Variants in CCDC91 observed in about 807,000 individuals in gnomAD.
The protein encoded by CCDC91 is coiled-coil domain-containing protein 91.
CCDC91 carries 48 observed loss-of-function variants against 63.2 expected under a neutral mutation model. The observed-to-expected ratio is 0.76, with a 90% CI of 0.60 to 0.97. The LOEUF is 0.97. CCDC91 is among the 50% of genes least tolerant of loss of function. The pLI is 0.00. For missense variants in CCDC91, 500 were observed against 494.6 expected, an observed-to-expected ratio of 1.01 and a Z score of -0.10; for synonymous variants, 167 against 165.8, an observed-to-expected ratio of 1.01 and a Z score of -0.06.
At chr12:28,443,678 C>A (rs533838307) in intron 8 of CCDC91, among the ~76,000 whole-genome samples, 3 of 152,050 alleles carry the variant, frequency 2.0e-5, no homozygotes, top group Non-Finnish European at 4.4e-5. Flanking sequence ...AGCACTGAGA[C>A]TTAGACATGT....
At chr12:28,452,816 A>G (rs1949876040) in intron 11 of CCDC91, among the ~76,000 whole-genome samples, 162 bp downstream of exon 11, 1 of 151,742 alleles carries the variant, frequency 6.6e-6, no homozygotes, top group Admixed American at 6.6e-5. Context: ...TGAATTAATC[A>G]TTTTTAATAT....
intron 12 of CCDC91, among the ~76,000 whole-genome samples, chr12:28,500,130 AC>A (rs1952551895): frequency 6.6e-6 from 1 of 150,924 alleles, no homozygotes; most frequent in Non-Finnish European, 1.5e-5. Flanking sequence ...TTTGTTGACT[AC>A]ATAAATGTCT....
At chr12:28,273,868 G>A (rs1456418073) in intron 3 of CCDC91, among the ~76,000 whole-genome samples, 1 of 152,062 alleles carries the variant, frequency 6.6e-6, no homozygotes, top group African/African-American at 2.4e-5. Flanking sequence ...GTCAATTTTG[G>A]CTTTTGTTGC....
Position 28,305,685 on chromosome 12 carries a change from T to C in CCDC91, c.146T>C (p.Ile49Thr). 2 of 1,612,902 alleles carry C rather than the reference T, an allele frequency of 1.2e-6. No homozygotes were observed. The highest frequency in any genetic ancestry group is 1.1e-5 in the South Asian group (1 of 90,930). ...CATCTTTCACCATCTTCTCCTGAGATTGTACTGGACCGTGACCACTCTTCT... is the reference window on the plus strand; with the variant it reads ...CATCTTTCACCATCTTCTCCTGAGACTGTACTGGACCGTGACCACTCTTCT... ...GVHLSPSSPE[I>T]VLDRDHSSSI... Residue 49 changes from isoleucine (I) to threonine (T), a missense_variant, in exon 4 of 13, where the codon ATT becomes ACT. Coordinates refer to ENST00000536442, the MANE Select transcript of CCDC91 (RefSeq NM_018318.5).
At chr12:28,190,901 C>A (rs573779537) in intron 1 of CCDC91, among the ~76,000 whole-genome samples, 2 of 152,220 alleles carry the variant, frequency 1.3e-5, no homozygotes, top group East Asian at 3.9e-4. Context: ...TCTGCACGTC[C>A]CAGAATCGAG....
intron 1 of CCDC91, chr12:28,236,353 G>A (rs1944948493): frequency 6.6e-6 from 1 of 151,912 alleles, no homozygotes; most frequent in African/African-American, 2.4e-5. Context: ...TTGATAAATA[G>A]ATGTTTTGAA....
intron 6 of CCDC91, among the ~76,000 whole-genome samples, chr12:28,332,808 A>G (rs548540070): frequency 9.7e-4 from 147 of 151,936 alleles, no homozygotes; most frequent in Non-Finnish European, 1.6e-3. Flanking sequence ...CTCATGGCCA[A>G]CAGCGCTGTA....
intron 12 of CCDC91, among the ~76,000 whole-genome samples, chr12:28,486,931 TGTAATAA>T (rs1449768498): frequency 2.6e-5 from 4 of 152,012 alleles, no homozygotes; most frequent in African/African-American, 7.2e-5. Context: ...AATTAATACA[TGTAATAA>T]AATAGCAGCT....
intron 3 of CCDC91, among the ~76,000 whole-genome samples, chr12:28,277,938 A>C (rs918409111): frequency 6.6e-6 from 1 of 151,990 alleles, no homozygotes; most frequent in Non-Finnish European, 1.5e-5. Context: ...TGGCCCAGTG[A>C]AACTGAAAAT....
intron 8 of CCDC91, among the ~76,000 whole-genome samples, chr12:28,424,991 C>T (rs767228387): frequency 1.3e-5 from 2 of 152,030 alleles, no homozygotes; most frequent in African/African-American, 2.4e-5. Flanking sequence ...TAAAGTGAGC[C>T]GCTTTTTCTA....
chr12:28,413,768 A>G (rs987272266), intron 8 of CCDC91, among the ~76,000 whole-genome samples: 1 of 152,216 alleles, frequency 6.6e-6, no homozygotes, highest in Non-Finnish European at 1.5e-5. Flanking sequence ...CTCCCATGAA[A>G]TAATCTTTCA....
intron 12 of CCDC91, among the ~76,000 whole-genome samples, chr12:28,538,015 T>C (rs1942311624): frequency 6.6e-6 from 1 of 152,110 alleles, no homozygotes; most frequent in African/African-American, 2.4e-5. Flanking sequence ...AATCTCTAAT[T>C]TCTTATATAT....
At chr12:28,532,987 T>TA (rs1941865554) in intron 12 of CCDC91, among the ~76,000 whole-genome samples, 2 of 152,076 alleles carry the variant, frequency 1.3e-5, no homozygotes, top group Admixed American at 1.3e-4. Flanking sequence ...TCTCAAAACT[T>TA]ACGGGTTAGT....
chr12:28,313,734 T>G (rs1939561525), intron 6 of CCDC91, among the ~76,000 whole-genome samples: 1 of 152,038 alleles, frequency 6.6e-6, no homozygotes, highest in Non-Finnish European at 1.5e-5. Flanking sequence ...CTATGTCCCC[T>G]TTTCCTGTTC....
At chr12:28,456,115 A>G (rs189249936) in intron 11 of CCDC91, among the ~76,000 whole-genome samples, 1 of 152,268 alleles carries the variant, frequency 6.6e-6, no homozygotes, top group East Asian at 1.9e-4. Flanking sequence ...TAAGTTCTAT[A>G]GGCAAAACTT....
intron 3 of CCDC91, among the ~76,000 whole-genome samples, chr12:28,284,216 C>CT (rs1216891976): frequency 6.6e-6 from 1 of 151,854 alleles, no homozygotes; most frequent in Non-Finnish European, 1.5e-5. Context: ...TACTGATAAA[C>CT]TTTGTTTTCT....
chr12:28,429,756 G>C (rs1948527700), intron 8 of CCDC91, among the ~76,000 whole-genome samples: 1 of 152,052 alleles, frequency 6.6e-6, no homozygotes, highest in South Asian at 2.1e-4. Flanking sequence ...CTCATGTAAA[G>C]TAAGATGCAC....
At chr12:28,388,826 C>A (rs577948206) in intron 7 of CCDC91, among the ~76,000 whole-genome samples, 2 of 152,218 alleles carry the variant, frequency 1.3e-5, no homozygotes, top group Non-Finnish European at 2.9e-5. Context: ...GAAACTGAAT[C>A]CTCATCTCTC....
intron 1 of CCDC91, among the ~76,000 whole-genome samples, chr12:28,203,755 A>G (rs957919418): frequency 1.4e-4 from 21 of 152,222 alleles, no homozygotes; most frequent in African/African-American, 4.6e-4. Flanking sequence ...TATGGTGCAG[A>G]CATAGAACAT....
Sources: gnomAD v4.1 joint callset for allele counts (sites outside exome capture counted in the v4.1 genomes callset) on GRCh38, gnomAD v4.1.1 for gene constraint, MANE v1.5 for transcripts, NCBI Gene and HGNC (gene_info 2026-07-23, HGNC 2026-07-21) for gene names.